ZNF787: variants seen among roughly 807,000 people sequenced by gnomAD.
ZNF787 encodes TTF-I-interacting peptide 20.
ZNF787 carries 7 observed loss-of-function variants against 16.9 expected under a neutral mutation model. That is an observed-to-expected ratio of 0.42 (90% CI 0.24 to 0.78). The LOEUF (loss-of-function observed/expected upper bound fraction) is 0.78, where lower values mean the gene tolerates loss of function less well. Ranked by LOEUF, ZNF787 falls within the 30% of genes least tolerant of loss-of-function variation. The probability of loss-of-function intolerance (pLI) is 0.30; values close to 1 mark genes in which losing one functional copy is unlikely to be tolerated. For synonymous variants in ZNF787, 345 were observed against 270.9 expected (o/e 1.27, Z -2.69); for missense variants, 551 against 589.3 (o/e 0.94, Z 0.67).
chr19:56,088,541 T>G lies in ZNF787; in HGVS notation c.631A>C (p.Lys211Gln). 1 of 1,457,998 alleles carries G rather than the reference T, an allele frequency of 6.9e-7. No homozygotes were observed. The highest frequency in any genetic ancestry group is 9.0e-7 in the Non-Finnish European group (1 of 1,114,478). 90.3% of individuals were successfully genotyped at this position (1,457,998 alleles called of 1,614,324 possible). ...PELSGPGVAA[K>Q]VLAASVRRAK... ...CGCCGGACGCTAGCCGCCAGCACCT[T>G]GGCCGCCACGCCAGGCCCCGACAGC... Residue 211 changes from lysine (K) to glutamine (Q), a missense_variant, in exon 3 of 3, where the codon AAG (lysine) becomes CAG (glutamine). By Grantham distance (53) the Lys-to-Gln change is moderately conservative. This residue lies in a region of ZNF787 where 392 missense variants were observed against 312.7 expected (regional missense o/e 1.25). Transcript: ENST00000610935. The surrounding 1 kb of genome is among the most constrained non-coding windows in gnomAD (Gnocchi z 8.6).
At chr19:56,099,156 A>G (rs1213342945) in intron 2 of ZNF787, among the ~76,000 whole-genome samples, 1 of 152,062 alleles carries the variant, frequency 6.6e-6, no homozygotes, top group Non-Finnish European at 1.5e-5. Context: ...GAGCGTCCCC[A>G]CTGCCCAGTG....
At position 56,088,367 on chromosome 19, in the gene ZNF787, GCCCCGCGGCCTTTGC is replaced by G. The variant is rs1985424122; in HGVS notation, c.790_804del (p.Ala264_Gly268del). On this transcript the variant is annotated inframe_deletion, in exon 3 of 3. Transcript: ENST00000610935. The surrounding 1 kb of genome is among the most constrained non-coding windows in gnomAD (Gnocchi z 8.6). ...GGGGCCGGGGCGCGCCGCGACCGGG[GCCCCGCGGCCTTTGC>G]CCCCGCGCCCGCCATGGCTGCCGCG... The G allele has an allele frequency of 8.9e-7, 1 of 1,122,096 alleles. No individual in the cohort carries two copies. The highest frequency in any genetic ancestry group is 1.1e-6 in the Non-Finnish European group (1 of 917,944). 69.5% of individuals were successfully genotyped at this position (1,122,096 alleles called of 1,614,324 possible). A position where few individuals can be genotyped will look rare whatever the true frequency, so the allele number is the denominator to read the frequency against.
At chr19:56,102,820 A>G in intron 2 of ZNF787, 4 of 682,266 alleles carry the variant, frequency 5.9e-6, no homozygotes, top group Non-Finnish European at 8.0e-6. Context: ...GGCTGTGGGG[A>G]GAGGAAGGGG....
chr19:56,100,278 A>C (rs564050), intron 2 of ZNF787, among the ~76,000 whole-genome samples: 141,944 of 152,112 alleles, frequency 0.93, 66,833 homozygotes, highest in Non-Finnish European at 0.99. Context: ...CTGCCCCATG[A>C]CCCAGCACTG....
At chr19:56,112,461 ATGATTG>A (rs2030007955) in intron 1 of ZNF787, among the ~76,000 whole-genome samples, 1 of 151,952 alleles carries the variant, frequency 6.6e-6, no homozygotes, top group Non-Finnish European at 1.5e-5. Flanking sequence ...ATTAGCACAA[ATGATTG>A]TTATTATTGT....
chr19:56,088,080 G>GTCCTCC lies in ZNF787; in HGVS notation c.1091_1092insGGAGGA (p.Asp363_Asp364insGluGlu). 6.7e-7 allele frequency: 1 copy of GTCCTCC among 1,485,758 alleles called. No individual in the cohort carries two copies. The highest frequency in any genetic ancestry group is 8.9e-7 in the Non-Finnish European group (1 of 1,127,154). 92.0% of individuals were successfully genotyped at this position (1,485,758 alleles called of 1,614,324 possible). A position where few individuals can be genotyped will look rare whatever the true frequency, so the allele number is the denominator to read the frequency against. Reference sequence around the variant, plus strand: ...ACCGCCCGCCCGCGGCCTCGTCGTCGTCGTCCTCCTCCTCCCCGCCCGCGC... The same window carrying GTCCTCC: ...ACCGCCCGCCCGCGGCCTCGTCGTCGTCCTCCTCGTCCTCCTCCTCCCCGCCCGCGC... On this transcript the variant is annotated inframe_insertion, in exon 3 of 3. Transcript: ENST00000610935. The surrounding 1 kb of genome is among the most constrained non-coding windows in gnomAD (Gnocchi z 8.6).
intron 1 of ZNF787, among the ~76,000 whole-genome samples, chr19:56,106,109 G>T (rs1012752690): frequency 5.3e-5 from 8 of 151,284 alleles, no homozygotes; most frequent in Non-Finnish European, 8.8e-5. Flanking sequence ...CCGCGCCCAC[G>T]GCAGTCACCG....
At chr19:56,110,716 C>T (rs527783236) in intron 1 of ZNF787, among the ~76,000 whole-genome samples, 2 of 152,328 alleles carry the variant, frequency 1.3e-5, no homozygotes, top group South Asian at 4.1e-4. Context: ...CTTCCCCTGG[C>T]CTCCACCTCC....
intron 1 of ZNF787, among the ~76,000 whole-genome samples, chr19:56,118,228 T>G (rs2030192857): frequency 6.6e-6 from 1 of 152,192 alleles, no homozygotes; most frequent in Admixed American, 6.5e-5. Flanking sequence ...GAGTGAGGCC[T>G]CCTTGGGGGT....
chr19:56,096,702 G>C (rs1985887032), intron 2 of ZNF787, among the ~76,000 whole-genome samples: 1 of 152,156 alleles, frequency 6.6e-6, no homozygotes, highest in Non-Finnish European at 1.5e-5. Flanking sequence ...AACAGAGTGA[G>C]ACTCCGTCTC....
At chr19:56,097,409 A>G (rs1985911261) in intron 2 of ZNF787, among the ~76,000 whole-genome samples, 1 of 152,208 alleles carries the variant, frequency 6.6e-6, no homozygotes, top group African/African-American at 2.4e-5. Flanking sequence ...CCAATCTCAC[A>G]TGCAGTTCTT....
intron 2 of ZNF787, among the ~76,000 whole-genome samples, chr19:56,096,650 T>G (rs1161014950): frequency 6.7e-6 from 1 of 150,332 alleles, no homozygotes; most frequent in African/African-American, 2.5e-5. Flanking sequence ...GAGGCAGAGG[T>G]TGCAGTGAGC....
At chr19:56,100,911 C>A (rs1433479815) in intron 2 of ZNF787, among the ~76,000 whole-genome samples, 13 of 144,560 alleles carry the variant, frequency 9.0e-5, no homozygotes, top group Admixed American at 7.6e-4. Flanking sequence ...GCCAGGCCAA[C>A]CCCCACCACT....
At chr19:56,099,870 T>C (rs1986026143) in intron 2 of ZNF787, among the ~76,000 whole-genome samples, 1 of 151,892 alleles carries the variant, frequency 6.6e-6, no homozygotes, top group African/African-American at 2.4e-5. Context: ...GCTGGGAGGC[T>C]GGACAGGCGG....
chr19:56,092,616 T>TTGTGACATCTGCACCTCCCTTCAGCCCCA (rs1985663305), intron 2 of ZNF787, among the ~76,000 whole-genome samples: 1 of 152,130 alleles, frequency 6.6e-6, no homozygotes, highest in Non-Finnish European at 1.5e-5. Flanking sequence ...ATCCTTTTCT[T>TTGTGACATCTGCACCTCCCTTCAGCCCCA]TGTGACATCT....
chr19:56,089,372 A>G (rs542196211), intron 2 of ZNF787, among the ~76,000 whole-genome samples: 293 of 152,284 alleles, frequency 1.9e-3, no homozygotes, highest in Admixed American at 5.9e-3. Flanking sequence ...ACCAGGCAAC[A>G]TAAGAGGCAT....
intron 1 of ZNF787, among the ~76,000 whole-genome samples, chr19:56,110,164 A>G (rs961783820): frequency 6.6e-6 from 1 of 152,228 alleles, no homozygotes; most frequent in Non-Finnish European, 1.5e-5. Flanking sequence ...ATTCAAGACC[A>G]GCCCGGCCAA....
rs544065835 is a variant in ZNF787 at position 56,095,652 on chromosome 19, C to T, written c.80-6560G>A. 1.8e-3 allele frequency among the ~76,000 whole-genome samples: 281 copies of T among 152,344 alleles called. 1 individual carries two copies. The highest frequency in any genetic ancestry group is 3.6e-3 in the Non-Finnish European group (242 of 68,038). On this transcript the variant is annotated intron_variant, in intron 2 of 2. Transcript: ENST00000610935. ...CCAAGGACAGGGGCCCTGCTCGATT[C>T]TGATTCCTCACATGAGGTTCTGCCC...
intron 1 of ZNF787, among the ~76,000 whole-genome samples, chr19:56,113,627 C>T (rs1318635640): frequency 6.6e-6 from 1 of 152,068 alleles, no homozygotes; most frequent in East Asian, 1.9e-4. Flanking sequence ...TATTTATGCG[C>T]CTGCCCACAA....
Sources: gnomAD v4.1 joint callset for allele counts (sites outside exome capture counted in the v4.1 genomes callset) on GRCh38, gnomAD v4.1.1 for gene constraint, gnomAD v4.1.1 regional missense constraint, Gnocchi (gnomAD v3.1) non-coding constraint, MANE v1.5 for transcripts, NCBI Gene and HGNC (gene_info 2026-07-23, HGNC 2026-07-21) for gene names.